The following PFKP variants were observed in gnomAD, a reference collection of about 807,000 sequenced individuals.
PFKP encodes ATP-dependent 6-phosphofructokinase, platelet type.
PFKP carries 101 observed loss-of-function variants against 94.3 expected under a neutral mutation model. That is an observed-to-expected ratio of 1.07 (90% CI 0.91 to 1.26). PFKP has a LOEUF of 1.26. PFKP is among the 50% of genes most tolerant of loss of function. The probability of loss-of-function intolerance (pLI) is 0.00; values close to 1 mark genes in which losing one functional copy is unlikely to be tolerated. For missense variants in PFKP, 1,145 were observed against 1,103.3 expected (o/e 1.04, Z -0.53); for synonymous variants, 573 against 432.6 (o/e 1.32, Z -4.03).
chr10:3,110,107 A>G (rs895430233), intron 10 of PFKP, among the ~76,000 whole-genome samples: 3 of 152,212 alleles, frequency 2.0e-5, no homozygotes, highest in Non-Finnish European at 4.4e-5. Context: ...GTCTGCCTGC[A>G]AATGAACAAA....
At chr10:3,135,965 TAAA>T (rs988427316) in intron 21 of PFKP, 127 bp downstream of exon 21, 3 of 653,694 alleles carry the variant, frequency 4.6e-6, no homozygotes, top group Non-Finnish European at 8.2e-6. Context: ...GAAGCTCAGT[TAAA>T]AAAATACTAG....
At chr10:3,133,434 A>G in intron 19 of PFKP, 120 bp downstream of exon 19, 4 of 728,500 alleles carry the variant, frequency 5.5e-6, no homozygotes, top group Non-Finnish European at 9.7e-6. Flanking sequence ...ATGATAAAAA[A>G]CATCTGAACT....
intron 16 of PFKP, among the ~76,000 whole-genome samples, chr10:3,123,386 C>A (rs888225535): frequency 6.6e-6 from 1 of 151,982 alleles, no homozygotes; most frequent in South Asian, 2.1e-4. Context: ...GGCAGGGTCT[C>A]CCCCGTATTG....
chr10:3,109,514 G>T (rs767668782), intron 10 of PFKP, 34 bp downstream of exon 10: 13 of 1,593,712 alleles, frequency 8.2e-6, no homozygotes, highest in Non-Finnish European at 1.0e-5. Flanking sequence ...GGGCAGGGCG[G>T]AGACGGCTGG....
chr10:3,125,813 T>C (rs1252498532), intron 16 of PFKP, among the ~76,000 whole-genome samples: 2 of 152,220 alleles, frequency 1.3e-5, no homozygotes, highest in African/African-American at 4.8e-5. Context: ...CTCCGGTCCC[T>C]GATACTCTGA....
intron 2 of PFKP, among the ~76,000 whole-genome samples, chr10:3,083,209 G>A (rs1383236995): frequency 6.6e-6 from 1 of 152,182 alleles, no homozygotes. Flanking sequence ...GCCACTTTGA[G>A]CTTTTCATCA....
At chr10:3,134,372 A>G (rs1217735816) in intron 19 of PFKP, 111 bp from the exon 20 acceptor site, 18 of 713,078 alleles carry the variant, frequency 2.5e-5, no homozygotes, top group Middle Eastern at 3.2e-4. Flanking sequence ...TTCCAACTAT[A>G]AGGACCTAGA....
At chr10:3,121,101 T>C (rs1837353771) in intron 16 of PFKP, among the ~76,000 whole-genome samples, 1 of 152,228 alleles carries the variant, frequency 6.6e-6, no homozygotes. Context: ...ATATGGTAAG[T>C]AATGCTTAGC....
chr10:3,115,423 C>CGAGGACAGGACTGGGG (rs1836718131), intron 13 of PFKP, among the ~76,000 whole-genome samples: 3 of 48,920 alleles, frequency 6.1e-5, no homozygotes, highest in African/African-American at 2.0e-4. Flanking sequence ...TGTGTCCCGC[C>CGAGGACAGGACTGGGG]ATGGAGGACA....
chr10:3,101,984 G>A (rs953654202), intron 4 of PFKP, among the ~76,000 whole-genome samples: 2 of 150,870 alleles, frequency 1.3e-5, no homozygotes, highest in Middle Eastern at 3.5e-3. Context: ...GGGCGCGGTG[G>A]CTCACGCCTG....
intron 11 of PFKP, 127 bp downstream of exon 11, chr10:3,112,413 C>A: frequency 1.3e-6 from 1 of 747,896 alleles, no homozygotes. Context: ...TCAGGCAGTA[C>A]TCACAGCACC....
chr10:3,119,172 C>A (rs1471053371), intron 15 of PFKP, among the ~76,000 whole-genome samples: 2 of 152,122 alleles, frequency 1.3e-5, no homozygotes, highest in African/African-American at 4.8e-5. Context: ...TCTCTTGAGT[C>A]CAGAGTCCAG....
intron 4 of PFKP, among the ~76,000 whole-genome samples, chr10:3,101,996 A>C (rs1051819378): frequency 6.6e-6 from 1 of 152,076 alleles, no homozygotes; most frequent in East Asian, 1.9e-4. Context: ...TCACGCCTGT[A>C]ATCCCAGCAC....
In PFKP at chr10:3,120,034, C is replaced by G; in HGVS notation, c.1673C>G (p.Thr558Ser). 3 of 1,614,022 alleles carry G rather than the reference C, an allele frequency of 1.9e-6. No homozygotes were observed. The highest frequency in any genetic ancestry group is 2.5e-6 in the Non-Finnish European group (3 of 1,179,990). ...FSIGADTALN[T>S]ITDTCDRIKQ... ...ATCGGGGCAGACACCGCCCTGAACA[C>G]TATCACCGACGTAAGTCCGTGTGCG... The change falls in exon 16 of 22, where the codon ACT becomes AGT. Residue 558 changes from threonine to serine, a missense_variant. Around this residue, in one of 3 missense-constraint regions of PFKP, gnomAD observed 1,119 missense variants for 1,062.8 expected, o/e 1.05. Coordinates refer to ENST00000381125, the MANE Select transcript of PFKP (RefSeq NM_002627.5).
intron 17 of PFKP, among the ~76,000 whole-genome samples, chr10:3,131,129 GTTT>G (rs916528769): frequency 1.6e-4 from 25 of 152,044 alleles, no homozygotes; most frequent in Non-Finnish European, 2.5e-4. Flanking sequence ...ATAAAAAGAT[GTTT>G]TTTATCAAAA....
At chr10:3,093,853 C>G (rs181324445) in intron 2 of PFKP, among the ~76,000 whole-genome samples, 6 of 152,178 alleles carry the variant, frequency 3.9e-5, no homozygotes, top group Admixed American at 3.3e-4. Flanking sequence ...CCGTGTTAGC[C>G]AGGATGGTCT....
chr10:3,100,437 A>G (rs1179512650), intron 3 of PFKP, among the ~76,000 whole-genome samples: 2 of 152,154 alleles, frequency 1.3e-5, no homozygotes, highest in South Asian at 2.1e-4. Context: ...GGTTTCATGT[A>G]AAAATAGGAG....
At chr10:3,102,241 A>C (rs1588466884) in intron 4 of PFKP, among the ~76,000 whole-genome samples, 1 of 87,316 alleles carries the variant, frequency 1.1e-5, no homozygotes. Context: ...ACAGAGCGAG[A>C]CTCTGTCTCA....
intron 17 of PFKP, 26 bp downstream of exon 17, chr10:3,130,009 C>A: frequency 1.3e-6 from 2 of 1,545,420 alleles, no homozygotes; most frequent in South Asian, 1.2e-5. Context: ...GGCCTCAGGG[C>A]CCGTCCCCTT....
Sources: gnomAD v4.1 joint callset for allele counts (sites outside exome capture counted in the v4.1 genomes callset) on GRCh38, gnomAD v4.1.1 for gene constraint, gnomAD v4.1.1 regional missense constraint, MANE v1.5 for transcripts, NCBI Gene and HGNC (gene_info 2026-07-23, HGNC 2026-07-21) for gene names.